The following GABPB1 variants were observed in gnomAD, a reference collection of about 807,000 sequenced individuals.
GABPB1 encodes GA binding protein transcription factor subunit beta 1, also known as GA-binding protein subunit beta-1.
A neutral mutation model predicts 45.9 loss-of-function variants in GABPB1; 15 were observed. That is an observed-to-expected ratio of 0.33 (90% confidence interval 0.22 to 0.50). The LOEUF (loss-of-function observed/expected upper bound fraction) is 0.50. GABPB1 is among the 20% of genes least tolerant of loss of function. The probability of loss-of-function intolerance (pLI) is 0.98; values close to 1 mark genes in which losing one functional copy is unlikely to be tolerated. For missense variants in GABPB1, 252 were observed against 457.5 expected (o/e 0.55, Z 4.10); for synonymous variants, 143 against 154.4 (o/e 0.93, Z 0.55).
chr15:50,319,679 T>C (rs1032546412), intron 1 of GABPB1, among the ~76,000 whole-genome samples: 1 of 151,770 alleles, frequency 6.6e-6, no homozygotes, highest in African/African-American at 2.4e-5. Context: ...CTACTAAAAA[T>C]ACAAAAAATT....
chr15:50,297,295 C>T (rs1196968964), intron 6 of GABPB1, among the ~76,000 whole-genome samples: 1 of 151,614 alleles, frequency 6.6e-6, no homozygotes, highest in Non-Finnish European at 1.5e-5. Context: ...TCACTGCAAC[C>T]TCTGCCTCCC....
chr15:50,339,088 G>A (rs1039335531), intron 1 of GABPB1, among the ~76,000 whole-genome samples: 1 of 152,114 alleles, frequency 6.6e-6, no homozygotes, highest in Admixed American at 6.6e-5. Context: ...AGATCACTCA[G>A]GTGACCCTGA....
intron 1 of GABPB1, among the ~76,000 whole-genome samples, chr15:50,322,671 C>T (rs1294895258): frequency 2.0e-5 from 3 of 152,144 alleles, no homozygotes; most frequent in Non-Finnish European, 4.4e-5. Context: ...TGAAGACTTG[C>T]TATCAAGAAG....
chr15:50,314,834 T>G (rs185765221), intron 1 of GABPB1, among the ~76,000 whole-genome samples: 47 of 152,362 alleles, frequency 3.1e-4, no homozygotes, highest in African/African-American at 1.1e-3. Flanking sequence ...TATTTTGTTT[T>G]GTTCAGAAAT....
chr15:50,336,037 A>C (rs771400309), intron 1 of GABPB1, among the ~76,000 whole-genome samples: 2 of 151,508 alleles, frequency 1.3e-5, no homozygotes, highest in African/African-American at 4.9e-5. Context: ...CCACTCACAC[A>C]CTTTTTTTAA....
chr15:50,304,448 C>T (rs1217898175), intron 2 of GABPB1, among the ~76,000 whole-genome samples: 1 of 152,144 alleles, frequency 6.6e-6, no homozygotes, highest in Non-Finnish European at 1.5e-5. Context: ...TGGTGGCTCA[C>T]GCCTGTAATC....
intron 6 of GABPB1, among the ~76,000 whole-genome samples, chr15:50,294,785 T>C (rs1567488840): frequency 6.6e-6 from 1 of 152,156 alleles, no homozygotes; most frequent in Non-Finnish European, 1.5e-5. Flanking sequence ...TTTATTTTTA[T>C]TGTTTTTCTT....
chr15:50,322,589 T>C (rs988205271), intron 1 of GABPB1, among the ~76,000 whole-genome samples: 6 of 152,244 alleles, frequency 3.9e-5, no homozygotes, highest in East Asian at 1.9e-4. Context: ...CCACTAGTTA[T>C]ACAAGGATAC....
intron 1 of GABPB1, among the ~76,000 whole-genome samples, chr15:50,342,378 A>G (rs1272075077): frequency 6.6e-6 from 1 of 150,950 alleles, no homozygotes; most frequent in African/African-American, 2.4e-5. Context: ...TCTTATTCTT[A>G]TGTGTATTTT....
intron 8 of GABPB1, 118 bp downstream of exon 8, chr15:50,285,950 A>C: frequency 6.9e-7 from 1 of 1,457,070 alleles, no homozygotes; most frequent in Non-Finnish European, 9.0e-7. Flanking sequence ...AAATGAAAAT[A>C]CTACGCACTT....
At position 50,278,713 on chromosome 15, in the gene GABPB1, T is replaced by A. The variant is rs770561018; in HGVS notation, c.1071A>T (p.Leu357=). The change falls in exon 9 of 9, where the codon CTA becomes CTT. Residue 357 remains leucine, a synonymous_variant. Coordinates refer to ENST00000380877, the MANE Select transcript of GABPB1 (RefSeq NM_016654.5). ...AGGCCTCTGCTTCCTGTTCTTTCTT[T>A]AGGAGCTGCTGTCGATATTTTTGTG... The part of the protein sequence containing the change: ...REAQKYRQQL[L]KKEQEAEAYR... 6.2e-7 allele frequency: 1 copy of A among 1,613,838 alleles called. No individual in the cohort carries two copies. Among genetic ancestry groups the A allele is most frequent in the African/African-American group, 1.3e-5 (1 of 75,044 alleles).
chr15:50,347,718 T>C (rs369118152), intron 1 of GABPB1, among the ~76,000 whole-genome samples: 31 of 152,204 alleles, frequency 2.0e-4, no homozygotes, highest in African/African-American at 7.5e-4. Flanking sequence ...ATGGGTGCAT[T>C]AAAGACAGGT....
At chr15:50,291,083 T>C (rs2140990704) in intron 6 of GABPB1, among the ~76,000 whole-genome samples, 1 of 152,272 alleles carries the variant, frequency 6.6e-6, no homozygotes, top group African/African-American at 2.4e-5. Context: ...AAAACATGGA[T>C]GAACCTGACA....
At chr15:50,299,813 T>G (rs911164287) in intron 6 of GABPB1, among the ~76,000 whole-genome samples, 2 of 152,066 alleles carry the variant, frequency 1.3e-5, no homozygotes, top group East Asian at 3.9e-4. Flanking sequence ...AAAAGTGTTT[T>G]TTGGTTTTGG....
chr15:50,296,581 A>G (rs1012722026), intron 6 of GABPB1, among the ~76,000 whole-genome samples: 1 of 152,220 alleles, frequency 6.6e-6, no homozygotes, highest in African/African-American at 2.4e-5. Context: ...AATCAGTCAG[A>G]CTGACCAAAT....
intron 8 of GABPB1, among the ~76,000 whole-genome samples, chr15:50,283,346 T>C: frequency 6.6e-6 from 1 of 151,396 alleles, no homozygotes; most frequent in Non-Finnish European, 1.5e-5. Flanking sequence ...TTCATACCTT[T>C]CCCTCCAAAA....
intron 5 of GABPB1, 172 bp downstream of exon 5, chr15:50,301,085 T>C: frequency 9.9e-7 from 1 of 1,015,018 alleles, no homozygotes; most frequent in Non-Finnish European, 1.5e-6. Context: ...CATAAAAATC[T>C]TTTTGCCAGT....
At chr15:50,320,080 A>C (rs1275796129) in intron 1 of GABPB1, among the ~76,000 whole-genome samples, 3 of 152,204 alleles carry the variant, frequency 2.0e-5, no homozygotes, top group African/African-American at 7.2e-5. Context: ...AAAAATAAAA[A>C]ATTAAAATTA....
chr15:50,284,717 C>T (rs569335618), intron 8 of GABPB1, among the ~76,000 whole-genome samples: 1 of 152,164 alleles, frequency 6.6e-6, no homozygotes, highest in Admixed American at 6.5e-5. Context: ...TAAAATAATA[C>T]TTTATTAGAT....
Sources: allele counts gnomAD v4.1 joint callset (sites outside exome capture counted in the v4.1 genomes callset), GRCh38; gene constraint gnomAD v4.1.1; transcripts MANE v1.5; gene names NCBI Gene and HGNC (gene_info 2026-07-23, HGNC 2026-07-21).